Variants in TGFBR2 observed in about 807,000 individuals in gnomAD.
The protein encoded by TGFBR2 is TGF-beta receptor type-2.
A neutral mutation model predicts 49.0 loss-of-function variants in TGFBR2; 18 were observed. That is an observed-to-expected ratio of 0.37 (90% CI 0.25 to 0.54). TGFBR2 has a LOEUF of 0.54. TGFBR2 is among the 20% of genes least tolerant of loss of function. The pLI, the probability that TGFBR2 is intolerant of heterozygous loss-of-function variation, is 0.85. For missense variants in TGFBR2, 525 were observed against 722.6 expected (o/e 0.73, Z 3.13); for synonymous variants, 282 against 275.9 (o/e 1.02, Z -0.22).
rs546055788 is a variant in TGFBR2 at position 30,622,710 on chromosome 3, T to C, written c.94+15733T>C. On this transcript the variant is annotated intron_variant, in intron 1 of 6. Transcript: ENST00000295754. The stretch of plus-strand genomic sequence containing the variant: ...GCCTGACCAACATGGTGAAACCCTG[T>C]CTTTACTAAAAATACAAAAATTAGC... Among the ~76,000 whole-genome samples the C allele has an allele frequency of 6.6e-5, 10 of 151,372 alleles. No homozygotes were observed. In the South Asian group the frequency reaches 2.1e-3, roughly 32 times the overall value.
At chr3:30,627,673 A>G (rs1698358795) in intron 1 of TGFBR2, among the ~76,000 whole-genome samples, 1 of 151,894 alleles carries the variant, frequency 6.6e-6, no homozygotes, top group Admixed American at 6.6e-5. Context: ...TAAGGACAGC[A>G]CTGGTATAAG....
At chr3:30,688,310 A>C in intron 5 of TGFBR2, 74 bp from the exon 6 acceptor site, 2 of 1,606,178 alleles carry the variant, frequency 1.2e-6, no homozygotes, top group Non-Finnish European at 1.7e-6. Context: ...CCAGCCAGGC[A>C]TCTCACCATG....
chr3:30,645,635 A>G (rs1003278610), intron 2 of TGFBR2, among the ~76,000 whole-genome samples: 4 of 151,874 alleles, frequency 2.6e-5, no homozygotes, highest in African/African-American at 9.7e-5. Flanking sequence ...ACAGGTGCCC[A>G]CTACCACACC....
chr3:30,657,260 A>G (rs1346752172), intron 3 of TGFBR2, among the ~76,000 whole-genome samples: 1 of 152,212 alleles, frequency 6.6e-6, no homozygotes, highest in Non-Finnish European at 1.5e-5. Context: ...CACAACTTAC[A>G]TAAGAGGCTA....
chr3:30,641,744 A>G (rs1698649370), intron 1 of TGFBR2, among the ~76,000 whole-genome samples: 1 of 152,124 alleles, frequency 6.6e-6, no homozygotes, highest in Non-Finnish European at 1.5e-5. Context: ...CTTTTCTTCA[A>G]CATTCAATGG....
At chr3:30,649,190 G>A (rs149534732) in intron 2 of TGFBR2, among the ~76,000 whole-genome samples, 18 of 152,296 alleles carry the variant, frequency 1.2e-4, no homozygotes, top group African/African-American at 4.1e-4. Context: ...CAGAGAGAAT[G>A]CGATTCAAGA....
At chr3:30,626,719 C>G (rs1455253924) in intron 1 of TGFBR2, 1 of 152,550 alleles carries the variant, frequency 6.6e-6, no homozygotes, top group African/African-American at 2.4e-5. Context: ...TTCTTGGAGT[C>G]TCTTCCCTCC....
intron 1 of TGFBR2, among the ~76,000 whole-genome samples, chr3:30,632,330 G>A (rs1040923907): frequency 4.6e-5 from 7 of 152,150 alleles, no homozygotes; most frequent in African/African-American, 1.7e-4. Flanking sequence ...AGTAAGCAGA[G>A]GATTTGAAAA....
At chr3:30,685,095 TG>T (rs1443130129) in intron 5 of TGFBR2, among the ~76,000 whole-genome samples, 9 of 152,318 alleles carry the variant, frequency 5.9e-5, no homozygotes, top group Non-Finnish European at 8.8e-5. Context: ...CCTCCTCTGA[TG>T]TTGGTCATGT....
chr3:30,627,475 G>A (rs1179816077), intron 1 of TGFBR2, among the ~76,000 whole-genome samples: 4 of 151,908 alleles, frequency 2.6e-5, no homozygotes, highest in African/African-American at 9.7e-5. Context: ...ACTACAAAAA[G>A]TTCACCTGAG....
intron 1 of TGFBR2, among the ~76,000 whole-genome samples, chr3:30,608,572 A>G (rs6550005): frequency 0.73 from 111,082 of 151,962 alleles, 41,898 homozygotes; most frequent in East Asian, 0.88. Context: ...AGGTTTGTCT[A>G]GAAAAAATGC....
At chr3:30,645,266 C>T (rs543285405) in intron 2 of TGFBR2, among the ~76,000 whole-genome samples, 12 of 152,152 alleles carry the variant, frequency 7.9e-5, no homozygotes, top group Admixed American at 5.2e-4. Flanking sequence ...CTCAGCACCC[C>T]ATAGTGAGAC....
chr3:30,611,748 A>C (rs1162836357), intron 1 of TGFBR2, among the ~76,000 whole-genome samples: 1 of 152,262 alleles, frequency 6.6e-6, no homozygotes, highest in Non-Finnish European at 1.5e-5. Flanking sequence ...TGTAGCCACC[A>C]CTGCCTACTC....
intron 5 of TGFBR2, among the ~76,000 whole-genome samples, chr3:30,682,596 A>G (rs1303499301): frequency 6.6e-6 from 1 of 152,198 alleles, no homozygotes; most frequent in Non-Finnish European, 1.5e-5. Flanking sequence ...CATTAATTCT[A>G]TTGCCAACTA....
At chr3:30,681,554 GGGCCGGGC>G (rs1482587719) in intron 5 of TGFBR2, among the ~76,000 whole-genome samples, 2 of 152,188 alleles carry the variant, frequency 1.3e-5, no homozygotes, top group African/African-American at 4.8e-5. Flanking sequence ...GAAGCTGCGA[GGGCCGGGC>G]GGTTGCGGGT....
At chr3:30,629,997 C>A (rs557691026) in intron 1 of TGFBR2, among the ~76,000 whole-genome samples, 1 of 152,182 alleles carries the variant, frequency 6.6e-6, no homozygotes, top group Admixed American at 6.5e-5. Context: ...TCATTTCCTC[C>A]CCTCCTCCCC....
At chr3:30,610,502 C>A (rs996575198) in intron 1 of TGFBR2, among the ~76,000 whole-genome samples, 3 of 152,110 alleles carry the variant, frequency 2.0e-5, no homozygotes, top group African/African-American at 7.2e-5. Context: ...CATGATGGAC[C>A]CAATGCGTTC....
At chr3:30,652,785 C>G (rs1698918931) in intron 3 of TGFBR2, among the ~76,000 whole-genome samples, 1 of 152,078 alleles carries the variant, frequency 6.6e-6, no homozygotes, top group Non-Finnish European at 1.5e-5. Flanking sequence ...TTTATTTCCT[C>G]CAAAAGGACA....
chr3:30,631,368 A>G (rs996309069), intron 1 of TGFBR2, among the ~76,000 whole-genome samples: 9 of 152,124 alleles, frequency 5.9e-5, no homozygotes, highest in African/African-American at 2.2e-4. Flanking sequence ...CACAGGAGGT[A>G]GCATCAGAAA....
Sources: gnomAD v4.1 joint callset for allele counts (sites outside exome capture counted in the v4.1 genomes callset) on GRCh38, gnomAD v4.1.1 for gene constraint, MANE v1.5 for transcripts, NCBI Gene and HGNC (gene_info 2026-07-23, HGNC 2026-07-21) for gene names.